SPAG6: variants seen among roughly 807,000 people sequenced by gnomAD.
SPAG6 encodes sperm-associated antigen 6.
A neutral mutation model predicts 58.5 loss-of-function variants in SPAG6; 49 were observed. The ratio of observed to expected loss-of-function variants is 0.84; its 90% CI spans 0.67 to 1.06. The LOEUF (loss-of-function observed/expected upper bound fraction) is 1.06, where lower values mean the gene tolerates loss of function less well. Ranked by LOEUF, SPAG6 falls within the 50% of genes least tolerant of loss-of-function variation. SPAG6 has a pLI of 0.00. For synonymous variants in SPAG6, 233 were observed against 225.6 expected, an observed-to-expected ratio of 1.03 and a Z score of -0.29; for missense variants, 560 against 611.3, an observed-to-expected ratio of 0.92 and a Z score of 0.89.
At chr10:22,352,167 A>G (rs927009577) in intron 2 of SPAG6, among the ~76,000 whole-genome samples, 1 of 152,086 alleles carries the variant, frequency 6.6e-6, no homozygotes, top group Non-Finnish European at 1.5e-5. Flanking sequence ...TCTAAAAAAA[A>G]AAAAGTCATG....
intron 10 of SPAG6, chr10:22,411,425 T>G: frequency 3.0e-6 from 1 of 335,928 alleles, no homozygotes; most frequent in Non-Finnish European, 5.4e-6. Context: ...TGTGCTTTAC[T>G]AAAGAGTACC....
chr10:22,385,877 G>A (rs1564371949), intron 4 of SPAG6, among the ~76,000 whole-genome samples: 1 of 152,134 alleles, frequency 6.6e-6, no homozygotes, highest in African/African-American at 2.4e-5. Flanking sequence ...TCCAGAAATG[G>A]GTGTCTGTGA....
At chr10:22,391,663 A>G in intron 7 of SPAG6, 66 bp from the exon 8 acceptor site, 1 of 1,410,082 alleles carries the variant, frequency 7.1e-7, no homozygotes. Flanking sequence ...CATGTTTGAG[A>G]GACATGGAAG....
In SPAG6 at chr10:22,386,957, A is replaced by C; in HGVS notation, c.676A>C (p.Lys226Gln). The C allele has an allele frequency of 6.2e-7, 1 of 1,611,282 alleles. No homozygotes were observed. Among genetic ancestry groups the C allele is most frequent in the Non-Finnish European group, 8.5e-7 (1 of 1,177,920 alleles). ...GATCCTGAACCCTGATGCTAAATTG[A>C]AGGTATTTCAAAATAAGGTTGAAAA... ...QMILNPDAKLKHQILSALSQV... is the reference protein window; with the variant it reads ...QMILNPDAKLQHQILSALSQV... Residue 226 changes from lysine (K) to glutamine (Q), a missense_variant and splice_region_variant, in exon 5 of 11, where the codon AAG (lysine) becomes CAG (glutamine). Coordinates refer to ENST00000376624, the MANE Select transcript of SPAG6 (RefSeq NM_012443.4).
Position 22,367,009 on chromosome 10 carries a change from GT to G in SPAG6, c.289-1474del, listed in dbSNP as rs34674831. 9.9e-4 allele frequency among the ~76,000 whole-genome samples: 142 copies of G among 143,620 alleles called. 2 individuals are homozygous for G. The highest frequency in any genetic ancestry group is 1.2e-3 in the East Asian group (6 of 4,956). The allele number at this position is 143,620 out of a possible 152,430, so 94.2% of individuals were successfully genotyped here. On this transcript the variant is annotated intron_variant, in intron 3 of 10. Transcript: ENST00000376624. Reference sequence around the variant, plus strand: ...GTACAAAGTCCTGTGGTTTTGCTGGGTTTTTTTTTTTTGGCATTTCTTTTAA... The same window carrying G: ...GTACAAAGTCCTGTGGTTTTGCTGGGTTTTTTTTTTTGGCATTTCTTTTAA...
At chr10:22,412,372 T>C (rs1388207772) in intron 10 of SPAG6, 2 of 775,158 alleles carry the variant, frequency 2.6e-6, no homozygotes, top group Non-Finnish European at 4.3e-6. Context: ...ATACGTATGG[T>C]AACATTAATT....
In SPAG6 at chr10:22,373,615, C is replaced by A. The variant is rs139484254; in HGVS notation, c.472+4937C>A. Among the ~76,000 whole-genome samples, 999 of 152,266 alleles carry A rather than the reference C, an allele frequency of 6.6e-3. 8 individuals carry two copies. The highest frequency in any genetic ancestry group is 0.018 in the Admixed American group (272 of 15,284). Reference sequence around the variant, plus strand: ...AGGGGGAATGGATGGGGAGAAGGGACTACAACCTGGTAATTAAAAATTATT... The same window carrying A: ...AGGGGGAATGGATGGGGAGAAGGGAATACAACCTGGTAATTAAAAATTATT... On this transcript the variant is annotated intron_variant, in intron 4 of 10. Transcript: ENST00000376624.
At chr10:22,348,264 C>T (rs141746787) in intron 2 of SPAG6, among the ~76,000 whole-genome samples, 4 of 152,170 alleles carry the variant, frequency 2.6e-5, no homozygotes, top group African/African-American at 4.8e-5. Flanking sequence ...ACTGGGATTG[C>T]GCCCGGCCAG....
intron 10 of SPAG6, among the ~76,000 whole-genome samples, chr10:22,413,895 A>C (rs1193046985): frequency 6.6e-6 from 1 of 152,174 alleles, no homozygotes; most frequent in African/African-American, 2.4e-5. Flanking sequence ...ACTATTTTAG[A>C]ATTAATTATC....
chr10:22,411,411 A>T (rs1293132517), intron 10 of SPAG6: 1 of 385,566 alleles, frequency 2.6e-6, no homozygotes, highest in East Asian at 4.4e-5. Context: ...GTACTAATTT[A>T]ACATGTGCTT....
At chr10:22,415,885 A>G (rs1834855015) in intron 10 of SPAG6, among the ~76,000 whole-genome samples, 1 of 152,150 alleles carries the variant, frequency 6.6e-6, no homozygotes, top group South Asian at 2.1e-4. Flanking sequence ...ATTTATCTGC[A>G]TGTAAGTTAT....
chr10:22,386,448 C>A (rs1834064495), intron 4 of SPAG6, among the ~76,000 whole-genome samples: 1 of 150,542 alleles, frequency 6.6e-6, no homozygotes, highest in African/African-American at 2.4e-5. Flanking sequence ...GCAGAATTGT[C>A]AGAGCTTAAA....
At chr10:22,355,268 C>T (rs1428806196) in intron 2 of SPAG6, among the ~76,000 whole-genome samples, 1 of 152,128 alleles carries the variant, frequency 6.6e-6, no homozygotes, top group Non-Finnish European at 1.5e-5. Context: ...ATGAGGGTTA[C>T]ATGGGTTACT....
intron 2 of SPAG6, among the ~76,000 whole-genome samples, chr10:22,349,979 C>T (rs1200125570): frequency 6.6e-6 from 1 of 152,096 alleles, no homozygotes; most frequent in Non-Finnish European, 1.5e-5. Flanking sequence ...GTATTTAAGA[C>T]ATACCTTGAT....
intron 9 of SPAG6, among the ~76,000 whole-genome samples, chr10:22,407,783 C>T (rs1414308468): frequency 5.9e-5 from 9 of 152,132 alleles, no homozygotes; most frequent in South Asian, 2.1e-4. Context: ...ACCAATCAGA[C>T]GTAGATTTGG....
At chr10:22,406,248 C>G (rs1241248172) in intron 9 of SPAG6, among the ~76,000 whole-genome samples, 1 of 152,078 alleles carries the variant, frequency 6.6e-6, no homozygotes, top group Non-Finnish European at 1.5e-5. Context: ...AATTTTGGAT[C>G]TTTCCTGCTT....
intron 2 of SPAG6, among the ~76,000 whole-genome samples, chr10:22,361,797 T>C (rs1441881450): frequency 1.3e-5 from 2 of 151,868 alleles, no homozygotes; most frequent in African/African-American, 4.8e-5. Flanking sequence ...AATCAGGAGA[T>C]TTGTGATAGA....
intron 2 of SPAG6, among the ~76,000 whole-genome samples, chr10:22,361,607 A>T (rs1300416160): frequency 3.3e-5 from 5 of 152,302 alleles, no homozygotes; most frequent in Non-Finnish European, 7.3e-5. Flanking sequence ...GAGGCAGAAG[A>T]ATCACTGGAA....
chr10:22,395,392 T>TA lies in SPAG6; in HGVS notation c.1197+3473dup, dbSNP rs1834271508. Among the ~76,000 whole-genome samples, 3 of 152,312 alleles carry TA rather than the reference T, an allele frequency of 2.0e-5. No individual in the cohort carries two copies. The South Asian group carries it at 6.2e-4, about 32-fold the overall frequency. On this transcript the variant is annotated intron_variant, in intron 8 of 10. Coordinates refer to ENST00000376624, the MANE Select transcript of SPAG6 (RefSeq NM_012443.4). ...TTTCCACATCTTTGTCAACTCTTGTTATTATCTTTATTTTTGATTGTAGTC... is the reference window on the plus strand; with the variant it reads ...TTTCCACATCTTTGTCAACTCTTGTTAATTATCTTTATTTTTGATTGTAGTC...
Sources: gnomAD v4.1 joint callset for allele counts (sites outside exome capture counted in the v4.1 genomes callset) on GRCh38, gnomAD v4.1.1 for gene constraint, MANE v1.5 for transcripts, NCBI Gene and HGNC (gene_info 2026-07-23, HGNC 2026-07-21) for gene names.